Variants in NRG1 observed in about 807,000 individuals in gnomAD.
NRG1 encodes the protein pro-neuregulin-1, membrane-bound isoform.
A neutral mutation model predicts 63.8 loss-of-function variants in NRG1; 18 were observed. That is an observed-to-expected ratio of 0.28 (90% confidence interval 0.19 to 0.42). The LOEUF (loss-of-function observed/expected upper bound fraction) is 0.42. Ranked by LOEUF, NRG1 falls within the 10% of genes least tolerant of loss-of-function variation. The pLI is 1.00. For missense variants in NRG1, 762 were observed against 814.7 expected (o/e 0.94, Z 0.79); for synonymous variants, 302 against 301.3 (o/e 1.00, Z -0.02).
At chr8:31,909,378 G>A (rs1250226804) in intron 1 of NRG1, among the ~76,000 whole-genome samples, 1 of 152,008 alleles carries the variant, frequency 6.6e-6, no homozygotes, top group African/African-American at 2.4e-5. Context: ...TGGCTGGTAG[G>A]CAGCAGAGGT....
At chr8:31,824,980 TTG>T (rs1824395331) in intron 1 of NRG1, among the ~76,000 whole-genome samples, 1 of 152,214 alleles carries the variant, frequency 6.6e-6, no homozygotes, top group Non-Finnish European at 1.5e-5. Flanking sequence ...TGTATATGTT[TTG>T]TGTTTATTAG....
At chr8:32,410,412 C>A (rs1814746418) in intron 1 of NRG1, among the ~76,000 whole-genome samples, 2 of 151,824 alleles carry the variant, frequency 1.3e-5, no homozygotes, top group South Asian at 2.1e-4. Context: ...AGCGATCTAC[C>A]CTGCTCAGCC....
At chr8:32,661,544 A>G (rs1465919369) in intron 5 of NRG1, among the ~76,000 whole-genome samples, 2 of 152,152 alleles carry the variant, frequency 1.3e-5, no homozygotes, top group Non-Finnish European at 2.9e-5. Context: ...CAGAATTGTG[A>G]AATGACTGGG....
chr8:32,639,541 G>A (rs1408976995), intron 5 of NRG1, among the ~76,000 whole-genome samples: 1 of 152,160 alleles, frequency 6.6e-6, no homozygotes, highest in East Asian at 1.9e-4. Flanking sequence ...ATGGGCTTAT[G>A]TGAAGTTTCA....
intron 1 of NRG1, among the ~76,000 whole-genome samples, chr8:31,789,243 C>T (rs147387391): frequency 6.6e-6 from 1 of 152,190 alleles, no homozygotes; most frequent in Non-Finnish European, 1.5e-5. Flanking sequence ...GTCAATTGAC[C>T]TCATTGGAGA....
At chr8:31,818,931 G>C (rs566673853) in intron 1 of NRG1, among the ~76,000 whole-genome samples, 36 of 152,252 alleles carry the variant, frequency 2.4e-4, no homozygotes, top group Middle Eastern at 3.4e-3. Flanking sequence ...GTGGGCGCCT[G>C]TAGTCCCAGC....
intron 1 of NRG1, among the ~76,000 whole-genome samples, chr8:32,102,314 G>A (rs1027676426): frequency 2.6e-5 from 4 of 152,070 alleles, no homozygotes; most frequent in African/African-American, 9.6e-5. Flanking sequence ...ATTTTTGTAT[G>A]TTTTGTAGAG....
intron 1 of NRG1, among the ~76,000 whole-genome samples, chr8:32,171,181 A>G (rs932594116): frequency 1.3e-5 from 2 of 152,194 alleles, no homozygotes; most frequent in African/African-American, 2.4e-5. Context: ...AAAAAACATG[A>G]ATATCTTATA....
intron 1 of NRG1, among the ~76,000 whole-genome samples, chr8:31,943,509 C>A (rs1282864610): frequency 6.7e-6 from 1 of 150,220 alleles, no homozygotes; most frequent in East Asian, 1.9e-4. Flanking sequence ...ACCAATCACC[C>A]CCTGTTCCCC....
chr8:32,188,973 A>T (rs189543141), intron 1 of NRG1, among the ~76,000 whole-genome samples: 57 of 152,088 alleles, frequency 3.7e-4, no homozygotes, highest in Middle Eastern at 3.4e-3. Flanking sequence ...TAATAAAATT[A>T]AAAAAAAGTC....
intron 1 of NRG1, among the ~76,000 whole-genome samples, chr8:31,886,463 G>A (rs565750483): frequency 4.2e-4 from 64 of 152,074 alleles, no homozygotes; most frequent in African/African-American, 1.3e-3. Context: ...AGAAAAATAA[G>A]GAAACTATGA....
chr8:32,291,593 C>A (rs1318334797), intron 1 of NRG1, among the ~76,000 whole-genome samples: 1 of 129,482 alleles, frequency 7.7e-6, no homozygotes, highest in Non-Finnish European at 1.5e-5. Flanking sequence ...TGCTGGAGTG[C>A]AGTGGCAAGA....
chr8:32,296,923 T>C (rs1320087422), intron 1 of NRG1, among the ~76,000 whole-genome samples: 1 of 152,104 alleles, frequency 6.6e-6, no homozygotes, highest in Non-Finnish European at 1.5e-5. Context: ...GAAACCATCC[T>C]GGCCAACATG....
chr8:32,034,802 A>G (rs903592322), intron 1 of NRG1, among the ~76,000 whole-genome samples: 37 of 151,638 alleles, frequency 2.4e-4, no homozygotes, highest in African/African-American at 9.0e-4. Context: ...ATATCCCTTT[A>G]TCATTTTTCA....
chr8:32,106,099 G>C (rs1831223965), intron 1 of NRG1, among the ~76,000 whole-genome samples: 1 of 152,152 alleles, frequency 6.6e-6, no homozygotes, highest in African/African-American at 2.4e-5. Context: ...CGTTGTGTGT[G>C]CATATAACAA....
At chr8:31,840,165 T>A (rs1032975411) in intron 1 of NRG1, among the ~76,000 whole-genome samples, 1 of 152,024 alleles carries the variant, frequency 6.6e-6, no homozygotes, top group Admixed American at 6.6e-5. Context: ...AGTATCAAGG[T>A]GATGGGCAAA....
chr8:32,181,913 A>G (rs1200407516), intron 1 of NRG1, among the ~76,000 whole-genome samples: 2 of 152,252 alleles, frequency 1.3e-5, no homozygotes, highest in East Asian at 3.8e-4. Flanking sequence ...GAGATTATAA[A>G]TAACCTTAAC....
intron 1 of NRG1, among the ~76,000 whole-genome samples, chr8:32,217,898 T>C (rs1845410170): frequency 6.6e-6 from 1 of 152,196 alleles, no homozygotes; most frequent in South Asian, 2.1e-4. Context: ...AGATGATCCC[T>C]GCCCTTCCAG....
At chr8:31,736,568 G>GA (rs958447967) in intron 1 of NRG1, among the ~76,000 whole-genome samples, 517 of 150,414 alleles carry the variant, frequency 3.4e-3, no homozygotes, top group African/African-American at 0.012. Context: ...ACAAAACCAA[G>GA]AAAAAAAAAC....
Sources: allele counts gnomAD v4.1 joint callset (sites outside exome capture counted in the v4.1 genomes callset), GRCh38; gene constraint gnomAD v4.1.1; transcripts MANE v1.5; gene names NCBI Gene and HGNC (gene_info 2026-07-23, HGNC 2026-07-21).